Variants in PMPCB observed in about 807,000 individuals in gnomAD.
The protein encoded by PMPCB is peptidase, mitochondrial processing subunit beta.
A neutral mutation model predicts 61.5 loss-of-function variants in PMPCB; 46 were observed. The ratio of observed to expected loss-of-function variants is 0.75; its 90% confidence interval spans 0.59 to 0.96. PMPCB has a LOEUF of 0.96. Among genes scored for constraint, PMPCB ranks in the 40% least tolerant of loss-of-function variants. PMPCB has a pLI of 0.00. For synonymous variants in PMPCB, 191 were observed against 201.6 expected, an observed-to-expected ratio of 0.95 and a Z score of 0.44; for missense variants, 590 against 602.4, an observed-to-expected ratio of 0.98 and a Z score of 0.22.
rs1817875414 is a variant in PMPCB, at chr7:103,313,497, G to T, written c.*1226G>T. ...ATAAATCTACTTCCTTACAGAATAG[G>T]TAAAAGAGCTTCCTCACAGTTAAAC... is the stretch of plus-strand genomic sequence containing the variant. On this transcript the variant is annotated 3_prime_UTR_variant, in exon 13 of 13. Coordinates refer to ENST00000249269, the MANE Select transcript of PMPCB (RefSeq NM_004279.3). The T allele has an allele frequency of 2.0e-6, 2 of 985,076 alleles. No homozygotes were observed. Among genetic ancestry groups the T allele is most frequent in the South Asian group, 9.4e-5 (2 of 21,276 alleles). The allele number at this position is 985,076 out of a possible 1,614,324, so 61.0% of individuals were successfully genotyped here.
downstream of PMPCB, among the ~76,000 whole-genome samples, chr7:103,331,024 T>C (rs1171276521): frequency 6.6e-6 from 1 of 151,906 alleles, no homozygotes; most frequent in East Asian, 1.9e-4. Flanking sequence ...AATGGCACAA[T>C]CTTGGCTCAC....
chr7:103,341,978 G>A, the PMPCB span: 1 of 1,512,066 alleles, frequency 6.6e-7, no homozygotes, highest in Admixed American at 2.3e-5. Flanking sequence ...TGTTAAGAGA[G>A]GCTTCAGTGT....
the PMPCB span, chr7:103,337,749 C>T: frequency 1.9e-6 from 3 of 1,613,382 alleles, no homozygotes; most frequent in Non-Finnish European, 2.5e-6. Flanking sequence ...CTGCTTTGAT[C>T]TGTCTCTGTG....
chr7:103,307,314 G>C (rs1586046225), intron 6 of PMPCB, among the ~76,000 whole-genome samples: 1 of 152,164 alleles, frequency 6.6e-6, no homozygotes, highest in Non-Finnish European at 1.5e-5. Flanking sequence ...AATAGAAAAT[G>C]ATTTTGTAAA....
chr7:103,337,316 C>G, the PMPCB span: 2 of 153,428 alleles, frequency 1.3e-5, no homozygotes, highest in Admixed American at 6.5e-5. Context: ...TTTTCTTGGA[C>G]AGAAGACAGG....
At chr7:103,340,789 T>G in the PMPCB span, among the ~76,000 whole-genome samples, 1 of 152,200 alleles carries the variant, frequency 6.6e-6, no homozygotes, top group African/African-American at 2.4e-5. Context: ...TATGTGCCAA[T>G]GACTTCAAAA....
At chr7:103,298,774 T>C in intron 2 of PMPCB, 66 bp downstream of exon 2, 1 of 1,492,866 alleles carries the variant, frequency 6.7e-7, no homozygotes, top group Non-Finnish European at 9.1e-7. Context: ...TTGATTTTAA[T>C]CTTTAGCTTT....
chr7:103,334,626 AAAAG>A, the PMPCB span, among the ~76,000 whole-genome samples: 1 of 151,852 alleles, frequency 6.6e-6, no homozygotes, highest in African/African-American at 2.4e-5. Flanking sequence ...TTAAAAAAAA[AAAAG>A]AGAGACAAGG....
downstream of PMPCB, among the ~76,000 whole-genome samples, chr7:103,331,164 C>T (rs752850254): frequency 5.3e-5 from 8 of 151,996 alleles, no homozygotes; most frequent in Non-Finnish European, 8.8e-5. Flanking sequence ...GCCATGTTGG[C>T]CAGGCTTGGT....
At chr7:103,298,443 T>C in intron 1 of PMPCB, 125 bp from the exon 2 acceptor site, 1 of 1,031,670 alleles carries the variant, frequency 9.7e-7, no homozygotes. Context: ...GGAACCAAAA[T>C]TCAAGAAGAA....
At chr7:103,311,365 A>C (rs1021196559) in intron 9 of PMPCB, 10 of 446,736 alleles carry the variant, frequency 2.2e-5, no homozygotes, top group African/African-American at 2.0e-4. Flanking sequence ...CCAACAGATG[A>C]GGACTCATGA....
intron 12 of PMPCB, chr7:103,322,220 C>G: frequency 4.6e-6 from 3 of 647,488 alleles, no homozygotes; most frequent in Non-Finnish European, 7.1e-6. Context: ...GAAGGATGAA[C>G]TCGGAAAGAC....
chr7:103,304,337 T>C, intron 5 of PMPCB, 74 bp from the exon 6 acceptor site: 1 of 863,030 alleles, frequency 1.2e-6, no homozygotes, highest in Non-Finnish European at 2.0e-6. Flanking sequence ...TGGTCCAATT[T>C]GATTTCAGGT....
downstream of PMPCB, among the ~76,000 whole-genome samples, chr7:103,331,483 T>C (rs975347803): frequency 4.3e-4 from 65 of 152,220 alleles, 1 homozygote; most frequent in African/African-American, 1.4e-3. Flanking sequence ...TTTGTATCCA[T>C]TGACCAACCT....
intron 12 of PMPCB, among the ~76,000 whole-genome samples, chr7:103,328,487 T>G (rs1339810709): frequency 6.6e-6 from 1 of 151,864 alleles, no homozygotes; most frequent in Non-Finnish European, 1.5e-5. Flanking sequence ...AAAAACTAGC[T>G]GGGCGTGGTG....
At chr7:103,326,810 G>T in intron 12 of PMPCB, 1 of 915,898 alleles carries the variant, frequency 1.1e-6, no homozygotes, top group Non-Finnish European at 1.6e-6. Flanking sequence ...TTTGTTTGCA[G>T]GTTGGGGAGG....
At chr7:103,304,308 G>A (rs1183979016) in intron 5 of PMPCB, 103 bp from the exon 6 acceptor site, 3 of 738,574 alleles carry the variant, frequency 4.1e-6, no homozygotes, top group Non-Finnish European at 7.1e-6. Flanking sequence ...ATTTCTGACT[G>A]CATTTTAGGA....
Position 103,304,046 on chromosome 7 carries a change from T to A in PMPCB, c.656+6T>A, listed in dbSNP as rs772082250. On this transcript the variant is annotated splice_donor_region_variant and intron_variant, in intron 5 of 12. Transcript: ENST00000249269. ...GGACCAACTGAAAATATCAAGTAGGTATAACAGAATTTCTTGGTGTATAAG... is the reference window on the plus strand; with the variant it reads ...GGACCAACTGAAAATATCAAGTAGGAATAACAGAATTTCTTGGTGTATAAG... 8 of 1,586,112 alleles carry A rather than the reference T, an allele frequency of 5.0e-6. No individual in the cohort carries two copies. In the South Asian group the frequency reaches 8.9e-5, roughly 18 times the overall value.
At chr7:103,299,676 T>G (rs1380333268) in intron 3 of PMPCB, 147 bp downstream of exon 3, 1 of 534,694 alleles carries the variant, frequency 1.9e-6, no homozygotes, top group Admixed American at 3.7e-5. Context: ...TAAGTAGTGA[T>G]AATTGCTTTG....
Sources: allele counts gnomAD v4.1 joint callset (sites outside exome capture counted in the v4.1 genomes callset), GRCh38; gene constraint gnomAD v4.1.1; transcripts MANE v1.5; gene names NCBI Gene and HGNC (gene_info 2026-07-23, HGNC 2026-07-21).